The following EBF3 variants were observed in gnomAD, a reference collection of about 807,000 sequenced individuals.
The protein encoded by EBF3 is transcription factor COE3.
In EBF3, 18 loss-of-function variants were observed where a neutral mutation model predicts 77.1. The observed-to-expected ratio is 0.23, with a 90% confidence interval of 0.16 to 0.35. EBF3 has a LOEUF of 0.35. Among genes scored for constraint, EBF3 ranks in the 10% least tolerant of loss-of-function variants. The pLI is 1.00. For synonymous variants in EBF3, 350 were observed against 343.5 expected (o/e 1.02, Z -0.21); for missense variants, 558 against 860.0 (o/e 0.65, Z 4.39).
Position 129,848,435 on chromosome 10 carries a change from T to C in EBF3, c.1085A>G (p.Lys362Arg). The C allele has an allele frequency of 6.2e-7, 1 of 1,614,256 alleles. No homozygotes were observed. The highest frequency in any genetic ancestry group is 8.5e-7 in the Non-Finnish European group (1 of 1,180,050). Residue 362 changes from lysine to arginine, a missense_variant, in exon 11 of 17, where the codon AAA (lysine) becomes AGA (arginine). Physicochemically the swap from Lys to Arg is conservative, Grantham distance 26. Transcript: ENST00000440978. This position sits in a 1 kb window ranked among gnomAD's most constrained non-coding sequence, Gnocchi z 4.4. ...TIDYGFQRLQKVIPRHPGDPE... is the reference protein window; with the variant it reads ...TIDYGFQRLQRVIPRHPGDPE... ...ATCACCCGGATGTCTTGGGATCACT[T>C]TCTGCAACCTCTGAAAGCCGTAATC... is the stretch of plus-strand genomic sequence containing the variant.
chr10:129,950,309 G>A (rs916907938), intron 6 of EBF3, among the ~76,000 whole-genome samples: 8 of 152,170 alleles, frequency 5.3e-5, no homozygotes, highest in Admixed American at 2.0e-4. Context: ...CATCCACTCG[G>A]GCACCACAGC....
chr10:129,839,047 G>A, intron 16 of EBF3, 36 bp downstream of exon 16: 8 of 1,303,842 alleles, frequency 6.1e-6, no homozygotes, highest in South Asian at 3.7e-5. Context: ...TACGCTAACG[G>A]ATGTTGTGAA....
chr10:129,880,193 A>G (rs999209798), intron 6 of EBF3, among the ~76,000 whole-genome samples: 3 of 152,210 alleles, frequency 2.0e-5, no homozygotes, highest in Non-Finnish European at 4.4e-5. Context: ...TCCTCTGCAG[A>G]AATCAGCAGG....
At chr10:129,865,659 G>A (rs1851956393) in intron 10 of EBF3, among the ~76,000 whole-genome samples, 1 of 152,176 alleles carries the variant, frequency 6.6e-6, no homozygotes, top group South Asian at 2.1e-4. Flanking sequence ...GCACACCCTG[G>A]GGTGACGCTG....
chr10:129,886,133 C>G (rs1368094188), intron 6 of EBF3, among the ~76,000 whole-genome samples: 1 of 150,154 alleles, frequency 6.7e-6, no homozygotes, highest in Non-Finnish European at 1.5e-5. Context: ...CCCATCCACA[C>G]CAGCTTGCTT....
chr10:129,873,641 G>A, intron 7 of EBF3, 45 bp from the exon 8 acceptor site: 1 of 1,457,110 alleles, frequency 6.9e-7, no homozygotes, highest in Non-Finnish European at 9.1e-7. Context: ...GCAAAGAAAA[G>A]CAGAGCCCCC....
chr10:129,896,665 C>T (rs1001755762), intron 6 of EBF3, among the ~76,000 whole-genome samples: 2 of 152,250 alleles, frequency 1.3e-5, no homozygotes, highest in Non-Finnish European at 2.9e-5. Flanking sequence ...CCGCTGACCT[C>T]GCCGGTGCCT....
intron 10 of EBF3, among the ~76,000 whole-genome samples, chr10:129,850,095 GTA>G (rs1564823753): frequency 6.6e-6 from 1 of 152,244 alleles, no homozygotes; most frequent in African/African-American, 2.4e-5. Flanking sequence ...ATTAGATAAA[GTA>G]TTACCTTTCC....
intron 6 of EBF3, among the ~76,000 whole-genome samples, chr10:129,934,173 C>A (rs553582817): frequency 6.6e-6 from 1 of 152,076 alleles, no homozygotes; most frequent in African/African-American, 2.4e-5. Flanking sequence ...TAATATCCCC[C>A]CTCTCCAGCC....
chr10:129,910,963 A>C (rs2134292226), intron 6 of EBF3, among the ~76,000 whole-genome samples: 1 of 152,248 alleles, frequency 6.6e-6, no homozygotes, highest in East Asian at 1.9e-4. Flanking sequence ...GAAACGATTT[A>C]CCCACACAGA....
chr10:129,951,559 G>A (rs1440388387), intron 6 of EBF3, among the ~76,000 whole-genome samples: 3 of 152,264 alleles, frequency 2.0e-5, no homozygotes, highest in Non-Finnish European at 4.4e-5. Context: ...GTCATTGTGG[G>A]TGTGTAGCTT....
At chr10:129,878,972 T>C (rs1350806826) in intron 6 of EBF3, among the ~76,000 whole-genome samples, 1 of 151,454 alleles carries the variant, frequency 6.6e-6, no homozygotes, top group Non-Finnish European at 1.5e-5. Context: ...CCGAAGCGAG[T>C]GCTATTTCCA....
intron 6 of EBF3, among the ~76,000 whole-genome samples, chr10:129,915,670 T>C (rs1454106353): frequency 6.6e-6 from 1 of 152,130 alleles, no homozygotes; most frequent in Non-Finnish European, 1.5e-5. Context: ...GCCAAGCATG[T>C]GGAGGAGAGC....
At chr10:129,859,683 A>G (rs974465695) in intron 10 of EBF3, among the ~76,000 whole-genome samples, 3 of 152,248 alleles carry the variant, frequency 2.0e-5, no homozygotes, top group African/African-American at 7.2e-5. Flanking sequence ...ACAGCCTCAC[A>G]TGAAACCACG....
At chr10:129,902,353 T>C (rs1423421712) in intron 6 of EBF3, among the ~76,000 whole-genome samples, 1 of 151,408 alleles carries the variant, frequency 6.6e-6, no homozygotes, top group Admixed American at 6.6e-5. Context: ...TTAACGAGAG[T>C]TGTGAGCCCA....
In EBF3 at chr10:129,837,832, A is replaced by AAGAT; in HGVS notation, c.*107_*110dup. 7.1e-7 allele frequency: 1 copy of AAGAT among 1,414,714 alleles called. No individual in the cohort carries two copies. Among genetic ancestry groups the AAGAT allele is most frequent in the Non-Finnish European group, 9.8e-7 (1 of 1,018,374 alleles). The allele number at this position is 1,414,714 out of a possible 1,614,324, so 87.6% of individuals were successfully genotyped here. On this transcript the variant is annotated 3_prime_UTR_variant, in exon 17 of 17. Coordinates refer to ENST00000440978, the MANE Select transcript of EBF3 (RefSeq NM_001375380.1). ...ATTTCAATTGCTGCTGATTTTTTTG[A>AAGAT]AGATACTGTTTCCATCAGCATGTCT...
chr10:129,843,585 G>A (rs903492215), intron 11 of EBF3, among the ~76,000 whole-genome samples: 10 of 152,184 alleles, frequency 6.6e-5, no homozygotes, highest in African/African-American at 2.4e-4. Context: ...CACCACATTT[G>A]CCTGTTAATT....
rs1030336701 is a variant in EBF3, at chr10:129,836,827, T to TATA, written c.*1115_*1116insTAT. On this transcript the variant is annotated 3_prime_UTR_variant, in exon 17 of 17. Coordinates refer to ENST00000440978, the MANE Select transcript of EBF3 (RefSeq NM_001375380.1). ...TACAAAATTTCAAAGATAAATACAATATTTATAATTGATATGTTACAAAAT... is the reference window on the plus strand; with the variant it reads ...TACAAAATTTCAAAGATAAATACAATATAATTTATAATTGATATGTTACAAAAT... 6.6e-6 allele frequency: 1 copy of TATA among 152,600 alleles called. No individual in the cohort carries two copies. The highest frequency in any genetic ancestry group is 1.5e-5 in the Non-Finnish European group (1 of 68,032). The allele number at this position is 152,600 out of a possible 1,614,324, so 9.5% of individuals were successfully genotyped here.
At chr10:129,882,276 A>C (rs926759591) in intron 6 of EBF3, among the ~76,000 whole-genome samples, 8 of 152,258 alleles carry the variant, frequency 5.3e-5, no homozygotes, top group Non-Finnish European at 7.3e-5. Context: ...TATTGTGTAA[A>C]TTGGCCCTTT....
Sources: gnomAD v4.1 joint callset for allele counts (sites outside exome capture counted in the v4.1 genomes callset) on GRCh38, gnomAD v4.1.1 for gene constraint, Gnocchi (gnomAD v3.1) non-coding constraint, MANE v1.5 for transcripts, NCBI Gene and HGNC (gene_info 2026-07-23, HGNC 2026-07-21) for gene names.